KCTD16: variants seen among roughly 807,000 people sequenced by gnomAD.
KCTD16 encodes the protein BTB/POZ domain-containing protein KCTD16.
A neutral mutation model predicts 33.2 loss-of-function variants in KCTD16; 13 were observed. The ratio of observed to expected loss-of-function variants is 0.39; its 90% CI spans 0.25 to 0.62. The LOEUF (loss-of-function observed/expected upper bound fraction) is 0.62. Ranked by LOEUF, KCTD16 falls within the 20% of genes least tolerant of loss-of-function variation. The probability of loss-of-function intolerance (pLI) is 0.50; values close to 1 mark genes in which losing one functional copy is unlikely to be tolerated. For synonymous variants in KCTD16, 197 were observed against 195.3 expected, an observed-to-expected ratio of 1.01 and a Z score of -0.07; for missense variants, 441 against 525.1, an observed-to-expected ratio of 0.84 and a Z score of 1.57.
chr5:144,327,024 G>A (rs1467514234), intron 3 of KCTD16, among the ~76,000 whole-genome samples: 1 of 152,098 alleles, frequency 6.6e-6, no homozygotes, highest in Non-Finnish European at 1.5e-5. Flanking sequence ...ATAGAGTGCG[G>A]GAACTAAACG....
In KCTD16 at chr5:144,484,522, AGCACCACC is replaced by A. The variant is rs1754764221; in HGVS notation, c.*10409_*10416del. On this transcript the variant is annotated 3_prime_UTR_variant, in exon 4 of 4. Coordinates refer to ENST00000512467, the MANE Select transcript of KCTD16 (RefSeq NM_020768.4). ...TAAATTGACTTTTTTACATAACATC[AGCACCACC>A]CCTTACACTTTTAAAGTTAAAGACC... 6.6e-6 allele frequency: 1 copy of A among 151,932 alleles called. No individual in the cohort carries two copies. The highest frequency in any genetic ancestry group is 6.6e-5 in the Admixed American group (1 of 15,216). The allele number at this position is 151,932 out of a possible 1,614,324, so 9.4% of individuals were successfully genotyped here. A position where few individuals can be genotyped will look rare whatever the true frequency, so the allele number is the denominator to read the frequency against.
At chr5:144,317,591 G>T (rs139869083) in intron 3 of KCTD16, among the ~76,000 whole-genome samples, 1 of 152,126 alleles carries the variant, frequency 6.6e-6, no homozygotes, top group Non-Finnish European at 1.5e-5. Context: ...CCAAATGAGC[G>T]TGCCATTTTG....
At chr5:144,240,535 T>C (rs73310787) in intron 3 of KCTD16, among the ~76,000 whole-genome samples, 2,615 of 152,270 alleles carry the variant, frequency 0.017, 72 homozygotes, top group African/African-American at 0.06. Context: ...AACTGAGAAG[T>C]TAAATCTCAG....
At chr5:144,320,999 G>A (rs1200319800) in intron 3 of KCTD16, among the ~76,000 whole-genome samples, 1 of 152,052 alleles carries the variant, frequency 6.6e-6, no homozygotes, top group Admixed American at 6.6e-5. Context: ...GGGATTACAG[G>A]CACATGCCAC....
At chr5:144,471,907 A>AAGTATCCCTATAGATAC (rs1754484671) in intron 3 of KCTD16, among the ~76,000 whole-genome samples, 1 of 152,182 alleles carries the variant, frequency 6.6e-6, no homozygotes, top group African/African-American at 2.4e-5. Flanking sequence ...TGGAGTTGTG[A>AAGTATCCCTATAGATAC]TTTATAGAAA....
chr5:144,315,852 T>C (rs1751896193), intron 3 of KCTD16, among the ~76,000 whole-genome samples: 1 of 152,208 alleles, frequency 6.6e-6, no homozygotes, highest in South Asian at 2.1e-4. Flanking sequence ...GAATTACACA[T>C]GACTTAAGAT....
chr5:144,276,523 G>T (rs138412998), intron 3 of KCTD16, among the ~76,000 whole-genome samples: 2,403 of 152,290 alleles, frequency 0.016, 35 homozygotes, highest in Middle Eastern at 0.034. Flanking sequence ...ATTTCTCCTA[G>T]TCTTCTAGTT....
intron 3 of KCTD16, among the ~76,000 whole-genome samples, chr5:144,416,599 C>A (rs1753060302): frequency 1.3e-5 from 2 of 152,126 alleles, no homozygotes; most frequent in African/African-American, 2.4e-5. Context: ...TGACAAAATT[C>A]TTTTACTTAA....
At chr5:144,323,353 G>A (rs1052843850) in intron 3 of KCTD16, among the ~76,000 whole-genome samples, 6 of 152,126 alleles carry the variant, frequency 3.9e-5, no homozygotes, top group African/African-American at 1.4e-4. Context: ...TGCCAAAACA[G>A]AATAAATGTG....
At chr5:144,174,240 C>T (rs997790151) in intron 1 of KCTD16, 67 bp from the exon 2 acceptor site, 13 of 152,186 alleles carry the variant, frequency 8.5e-5, no homozygotes, top group Admixed American at 1.3e-4. Flanking sequence ...AAAACAACTC[C>T]ATTTTCTTAG....
intron 3 of KCTD16, among the ~76,000 whole-genome samples, chr5:144,463,460 G>A: frequency 8.3e-6 from 1 of 119,986 alleles, no homozygotes; most frequent in Non-Finnish European, 1.8e-5. Context: ...CTGTCATCAT[G>A]CTGTGGACAA....
rs1023776053 is a variant in KCTD16, at chr5:144,355,138, C to G, written c.833-118522C>G. On this transcript the variant is annotated intron_variant, in intron 3 of 3. Coordinates refer to ENST00000512467, the MANE Select transcript of KCTD16 (RefSeq NM_020768.4). ...GAACATTCTGGAGCTGGGAAACAGA[C>G]CTACTACCGCCATGTTTACGGCTTG... 2.0e-5 allele frequency among the ~76,000 whole-genome samples: 3 copies of G among 152,124 alleles called. 1 individual carries two copies. Among genetic ancestry groups the G allele is most frequent in the Admixed American group, 1.3e-4 (2 of 15,254 alleles).
At chr5:144,316,846 T>TTTTTTG (rs1751930776) in intron 3 of KCTD16, among the ~76,000 whole-genome samples, 1 of 139,488 alleles carries the variant, frequency 7.2e-6, no homozygotes, top group Non-Finnish European at 1.5e-5. Flanking sequence ...TTTTTTTTTT[T>TTTTTTG]GATACGGAGT....
chr5:144,411,368 G>A (rs1157733964), intron 3 of KCTD16, among the ~76,000 whole-genome samples: 1 of 152,082 alleles, frequency 6.6e-6, no homozygotes, highest in African/African-American at 2.4e-5. Flanking sequence ...AGAGAACCCA[G>A]ATATAAATCC....
At chr5:144,181,012 A>C (rs1039323691) in intron 2 of KCTD16, among the ~76,000 whole-genome samples, 1 of 151,156 alleles carries the variant, frequency 6.6e-6, no homozygotes, top group Admixed American at 6.6e-5. Flanking sequence ...GGCTCACTGC[A>C]AGCTCCGCCT....
chr5:144,393,788 AT>A (rs1448966586), intron 3 of KCTD16, among the ~76,000 whole-genome samples: 1 of 152,078 alleles, frequency 6.6e-6, no homozygotes, highest in Admixed American at 6.6e-5. Context: ...TGCCAACTTT[AT>A]TTTGTTAGGA....
chr5:144,397,602 T>G (rs1349816739), intron 3 of KCTD16, among the ~76,000 whole-genome samples: 1 of 152,202 alleles, frequency 6.6e-6, no homozygotes, highest in Admixed American at 6.5e-5. Context: ...GTTTCCTGAC[T>G]TTTTAATGAT....
intron 3 of KCTD16, among the ~76,000 whole-genome samples, chr5:144,342,878 C>T (rs1752684812): frequency 6.6e-6 from 1 of 152,142 alleles, no homozygotes; most frequent in East Asian, 1.9e-4. Context: ...TGCTGGATTA[C>T]ATTTATTGAT....
chr5:144,258,988 G>T (rs1483900770), intron 3 of KCTD16, among the ~76,000 whole-genome samples: 1 of 152,136 alleles, frequency 6.6e-6, no homozygotes, highest in Non-Finnish European at 1.5e-5. Context: ...GCCGGGTGCG[G>T]TGGCTCACGC....
Sources: allele counts gnomAD v4.1 joint callset (sites outside exome capture counted in the v4.1 genomes callset), GRCh38; gene constraint gnomAD v4.1.1; transcripts MANE v1.5; gene names NCBI Gene and HGNC (gene_info 2026-07-23, HGNC 2026-07-21).